Variants in PTCHD4 observed in about 807,000 individuals in gnomAD.
PTCHD4 encodes the protein patched domain containing 4.
PTCHD4 carries 33 observed loss-of-function variants against 58.1 expected under a neutral mutation model. The observed-to-expected ratio is 0.57, with a 90% CI of 0.43 to 0.76. PTCHD4 has a LOEUF of 0.76. Ranked by LOEUF, PTCHD4 falls within the 30% of genes least tolerant of loss-of-function variation. The pLI is 0.00. For missense variants in PTCHD4, 1,058 were observed against 1,027.1 expected (o/e 1.03, Z -0.41); for synonymous variants, 478 against 409.6 (o/e 1.17, Z -2.02).
intron 4 of PTCHD4, among the ~76,000 whole-genome samples, chr6:47,934,138 A>G (rs946483747): frequency 1.2e-4 from 18 of 152,126 alleles, no homozygotes; most frequent in Non-Finnish European, 2.5e-4. Context: ...CGAAACTCCA[A>G]CTAGCTTGCC....
intron 4 of PTCHD4, among the ~76,000 whole-genome samples, chr6:47,918,787 G>T (rs957363476): frequency 6.6e-6 from 1 of 152,024 alleles, no homozygotes; most frequent in African/African-American, 2.4e-5. Flanking sequence ...ATGTTAAAAT[G>T]GTTACATAGA....
intron 4 of PTCHD4, among the ~76,000 whole-genome samples, chr6:47,985,179 C>A (rs779327345): frequency 2.0e-5 from 3 of 152,066 alleles, no homozygotes; most frequent in Non-Finnish European, 4.4e-5. Flanking sequence ...TGTATAGCTT[C>A]CATTCTTACT....
chr6:48,003,966 C>G (rs1258492467), intron 4 of PTCHD4, among the ~76,000 whole-genome samples: 1 of 152,188 alleles, frequency 6.6e-6, no homozygotes. Context: ...TATCTGACCA[C>G]TTATGTTCTT....
intron 4 of PTCHD4, among the ~76,000 whole-genome samples, chr6:47,902,492 G>C (rs939147620): frequency 1.3e-5 from 2 of 152,158 alleles, no homozygotes; most frequent in Non-Finnish European, 2.9e-5. Flanking sequence ...GCATAAATGG[G>C]AAAGTTTGCG....
At chr6:48,071,608 T>C (rs753531347) in intron 1 of PTCHD4, among the ~76,000 whole-genome samples, 4 of 152,242 alleles carry the variant, frequency 2.6e-5, no homozygotes, top group Non-Finnish European at 4.4e-5. Context: ...CAGTTTCTCC[T>C]ATTATTAATA....
chr6:48,078,221 C>T (rs1047440517), intron 1 of PTCHD4, among the ~76,000 whole-genome samples: 3 of 152,162 alleles, frequency 2.0e-5, no homozygotes, highest in Non-Finnish European at 4.4e-5. Context: ...AAAGAGCAGC[C>T]TCTGATTCCC....
chr6:48,009,098 A>C lies in PTCHD4; in HGVS notation c.434T>G (p.Phe145Cys). The change falls in exon 4 of 5, where the codon TTT becomes TGT. Residue 145 changes from phenylalanine to cysteine, a missense_variant. Transcript: ENST00000339488. ...TACCCCGCCCAGTTGGTGTCCAATA[A>C]AACTGTTCCTCCCATCCTTGAAAAC... The part of the protein sequence containing the change: ...VLEMKDGRNS[F>C]IGHQLGGVVE... 1 of 1,608,752 alleles carries C rather than the reference A, an allele frequency of 6.2e-7. No homozygotes were observed. Among genetic ancestry groups the C allele is most frequent in the Non-Finnish European group, 8.5e-7 (1 of 1,176,788 alleles).
chr6:48,025,960 T>C (rs1317326015), intron 3 of PTCHD4, among the ~76,000 whole-genome samples: 1 of 151,936 alleles, frequency 6.6e-6, no homozygotes, highest in African/African-American at 2.4e-5. Context: ...CTCCTACCAC[T>C]CTCTCCAACA....
rs1028579140 is a variant in PTCHD4, at chr6:47,876,305, T to C, written c.*1998A>G. Among the ~76,000 whole-genome samples, 3 of 151,942 alleles carry C rather than the reference T, an allele frequency of 2.0e-5. No homozygotes were observed. Among genetic ancestry groups the C allele is most frequent in the Non-Finnish European group, 4.4e-5 (3 of 67,942 alleles). On this transcript the variant is annotated 3_prime_UTR_variant, in exon 5 of 5. Coordinates refer to ENST00000339488, the MANE Select transcript of PTCHD4 (RefSeq NM_001384253.1). ...CAATAATTTTCCCCACTCAAATCTA[T>C]AGATATTGCACTGAAACTGACACAA... is the stretch of plus-strand genomic sequence containing the variant.
chr6:47,961,237 A>G (rs1388908517), intron 4 of PTCHD4, among the ~76,000 whole-genome samples: 2 of 152,074 alleles, frequency 1.3e-5, no homozygotes, highest in African/African-American at 4.8e-5. Context: ...TTTAAATAAT[A>G]TACTTACAAA....
At chr6:48,110,895 ATT>A (rs1050619645) in intron 1 of PTCHD4, among the ~76,000 whole-genome samples, 152 bp downstream of exon 1, 7 of 151,400 alleles carry the variant, frequency 4.6e-5, no homozygotes, top group Non-Finnish European at 1.0e-4. Context: ...TCTGCAGAAC[ATT>A]TTAATATTCA....
chr6:47,991,697 G>A (rs1038432385), intron 4 of PTCHD4, among the ~76,000 whole-genome samples: 1 of 151,724 alleles, frequency 6.6e-6, no homozygotes, highest in Admixed American at 6.6e-5. Context: ...AGTCTAAATG[G>A]AGCTTAAATG....
intron 3 of PTCHD4, among the ~76,000 whole-genome samples, chr6:48,063,920 G>T (rs1181182126): frequency 2.6e-5 from 4 of 152,128 alleles, no homozygotes; most frequent in African/African-American, 7.2e-5. Context: ...ATTGAGATTG[G>T]AGCTAAATAA....
chr6:48,106,882 C>A (rs368453132), intron 1 of PTCHD4, among the ~76,000 whole-genome samples: 1 of 152,080 alleles, frequency 6.6e-6, no homozygotes, highest in Non-Finnish European at 1.5e-5. Flanking sequence ...ACCTAGGAAT[C>A]CAACTTACAA....
At chr6:47,892,168 C>T (rs544369067) in intron 4 of PTCHD4, among the ~76,000 whole-genome samples, 85 of 152,030 alleles carry the variant, frequency 5.6e-4, no homozygotes, top group African/African-American at 2.0e-3. Context: ...TTGCTTTAGG[C>T]AGAGAAGAGC....
chr6:47,997,245 C>G (rs1020651917), intron 4 of PTCHD4, among the ~76,000 whole-genome samples: 3 of 151,852 alleles, frequency 2.0e-5, no homozygotes, highest in Non-Finnish European at 2.9e-5. Context: ...TCCTTCCTCT[C>G]TTTTTTCTTT....
intron 1 of PTCHD4, among the ~76,000 whole-genome samples, chr6:48,075,823 G>T (rs1215218976): frequency 1.3e-5 from 2 of 152,200 alleles, no homozygotes; most frequent in Non-Finnish European, 2.9e-5. Flanking sequence ...TTTGCTGGTG[G>T]AAGGTCGTGC....
chr6:47,903,558 G>A (rs1764781723), intron 4 of PTCHD4, among the ~76,000 whole-genome samples: 1 of 152,048 alleles, frequency 6.6e-6, no homozygotes, highest in East Asian at 1.9e-4. Flanking sequence ...CAAGCGATCT[G>A]GCTGCCTTGG....
intron 4 of PTCHD4, among the ~76,000 whole-genome samples, chr6:47,881,567 C>T (rs576071661): frequency 1.1e-4 from 17 of 152,248 alleles, no homozygotes; most frequent in Non-Finnish European, 1.3e-4. Flanking sequence ...TTGTAGGTAA[C>T]GCTGTTACTT....
Sources: gnomAD v4.1 joint callset for allele counts (sites outside exome capture counted in the v4.1 genomes callset) on GRCh38, gnomAD v4.1.1 for gene constraint, MANE v1.5 for transcripts, NCBI Gene and HGNC (gene_info 2026-07-23, HGNC 2026-07-21) for gene names.